The following AP3M2 variants were observed in gnomAD, a reference collection of about 807,000 sequenced individuals.
AP3M2 encodes the protein AP-3 complex subunit mu-2.
In AP3M2, 28 loss-of-function variants were observed where a neutral mutation model predicts 41.6. The ratio of observed to expected loss-of-function variants is 0.67; its 90% CI spans 0.50 to 0.92. The LOEUF (loss-of-function observed/expected upper bound fraction) is 0.92. AP3M2 is among the 40% of genes least tolerant of loss of function. The probability of loss-of-function intolerance (pLI) is 0.00; values close to 1 mark genes in which losing one functional copy is unlikely to be tolerated. For synonymous variants in AP3M2, 193 were observed against 186.4 expected (o/e 1.04, Z -0.29); for missense variants, 427 against 521.4 (o/e 0.82, Z 1.76).
intron 8 of AP3M2, chr8:42,168,126 C>A (rs1804690879): frequency 1.9e-6 from 1 of 521,382 alleles, no homozygotes; most frequent in African/African-American, 1.9e-5. Flanking sequence ...CCAAGGTTTT[C>A]AGTATGAGAA....
rs946381944 is a variant in AP3M2 at position 42,162,065 on chromosome 8, C to T, written c.446-216C>T. 136 of 400,804 alleles carry T rather than the reference C, an allele frequency of 3.4e-4. 3 individuals carry two copies. Among genetic ancestry groups the T allele is most frequent in the Non-Finnish European group, 7.0e-5 (16 of 229,628 alleles). 24.8% of individuals were successfully genotyped at this position (400,804 alleles called of 1,614,324 possible). A position where few individuals can be genotyped will look rare whatever the true frequency, so the allele number is the denominator to read the frequency against. ...TTTCTCAGGTAACTTTTTCTTAAAC[C>T]TTTATTCTGTTTGAAAAGGCAGACC... On this transcript the variant is annotated intron_variant, in intron 3 of 8. Transcript: ENST00000396926.
Position 42,167,806 on chromosome 8 carries a change from T to C in AP3M2, c.1152T>C (p.Ile384=), listed in dbSNP as rs753727314. 1 of 1,611,554 alleles carries C rather than the reference T, an allele frequency of 6.2e-7. No individual in the cohort carries two copies. Among genetic ancestry groups the C allele is most frequent in the Non-Finnish European group, 8.5e-7 (1 of 1,179,350 alleles). Residue 384 remains isoleucine (I), a synonymous_variant, in exon 8 of 9, where the codon ATT becomes ATC. Transcript: ENST00000396926. ...NLQFKIQQLA[I]SGLKVNRLDM... ...AGTTTAAGATCCAGCAGCTGGCCAT[T>C]TCTGGTAAGTGACCCAGAGCTCAAG...
Position 42,165,077 on chromosome 8 carries a change from CA to C in AP3M2, c.592del (p.Ile198LeufsTer8), listed in dbSNP as rs747546329. ...IDAIIDKSGSTITAEIQGVID... is the reference protein window; with the variant it reads ...IDAIIDKSGSXITAEIQGVID... ...TGTCTTATTCCTGTCTCAGGCTCCACAATTACTGCTGAGATCCAGGGGGTGA... is the reference window on the plus strand; with the variant it reads ...TGTCTTATTCCTGTCTCAGGCTCCACATTACTGCTGAGATCCAGGGGGTGA... On this transcript the variant is annotated frameshift_variant, in exon 5 of 9. Coordinates refer to ENST00000396926, the MANE Select transcript of AP3M2 (RefSeq NM_006803.4). LOFTEE classifies it high-confidence loss of function. 7 of 1,613,580 alleles carry C rather than the reference CA, an allele frequency of 4.3e-6. No individual in the cohort carries two copies. Among genetic ancestry groups the C allele is most frequent in the Non-Finnish European group, 4.2e-6 (5 of 1,179,782 alleles).
At chr8:42,158,171 C>A (rs563448827) in intron 3 of AP3M2, 59 bp downstream of exon 3, 35 of 1,540,168 alleles carry the variant, frequency 2.3e-5, no homozygotes, top group Middle Eastern at 3.4e-4. Context: ...GTGGCTTAGT[C>A]GAGTGTCGCA....
rs542657559 is a variant in AP3M2, at chr8:42,156,517, T to C, written c.274-1424T>C. ...CGAGGCTCCTTTCCAGCTGCTTAGT[T>C]CACATGATGCCTGGTTTATAAAACC... On this transcript the variant is annotated intron_variant, in intron 2 of 8. Transcript: ENST00000396926. 2.0e-5 allele frequency among the ~76,000 whole-genome samples: 3 copies of C among 152,346 alleles called. No individual in the cohort carries two copies. The South Asian group carries it at 6.2e-4, about 32-fold the overall frequency.
intron 3 of AP3M2, among the ~76,000 whole-genome samples, chr8:42,159,641 TCTTACAGTCTATCA>T (rs1459836461): frequency 6.6e-6 from 1 of 152,216 alleles, no homozygotes; most frequent in African/African-American, 2.4e-5. Flanking sequence ...ACAGATATTT[TCTTACAGTCTATCA>T]CTTGTGATTT....
chr8:42,167,853 C>T (rs1011644432), intron 8 of AP3M2, 43 bp downstream of exon 8: 17 of 1,571,850 alleles, frequency 1.1e-5, no homozygotes, highest in Non-Finnish European at 1.4e-5. Flanking sequence ...GGAACAAAAA[C>T]GGCTTTCTGC....
chr8:42,155,447 T>C (rs1339871985), intron 2 of AP3M2, among the ~76,000 whole-genome samples: 1 of 152,196 alleles, frequency 6.6e-6, no homozygotes, highest in Non-Finnish European at 1.5e-5. Flanking sequence ...TTCTTTATAG[T>C]GAGAGAGTGG....
At chr8:42,160,710 T>G (rs934766630) in intron 3 of AP3M2, among the ~76,000 whole-genome samples, 1 of 152,250 alleles carries the variant, frequency 6.6e-6, no homozygotes, top group African/African-American at 2.4e-5. Context: ...TTGTGTAATT[T>G]ATCCTTTTCC....
Position 42,154,811 on chromosome 8 carries a change from G to T in AP3M2, c.124G>T (p.Ala42Ser). Residue 42 changes from alanine (A) to serine (S), a missense_variant, in exon 2 of 9, where the codon GCA becomes TCA. Ala to Ser is a moderately conservative substitution (Grantham distance 99). Coordinates refer to ENST00000396926, the MANE Select transcript of AP3M2 (RefSeq NM_006803.4). ...TGAGGCGCAAGAGAGAGCTACTGAG[G>T]CAGAAAATGTGCCTCCGGTTATCCC... ...FFEAQERATE[A>S]ENVPPVIPTP... is the part of the protein sequence containing the mutation. 6.2e-7 allele frequency: 1 copy of T among 1,614,098 alleles called. No individual in the cohort carries two copies. The highest frequency in any genetic ancestry group is 8.5e-7 in the Non-Finnish European group (1 of 1,180,026).
chr8:42,159,215 C>G (rs770719208), intron 3 of AP3M2, among the ~76,000 whole-genome samples: 1 of 152,200 alleles, frequency 6.6e-6, no homozygotes, highest in Non-Finnish European at 1.5e-5. Flanking sequence ...ACCATTCTTA[C>G]ACTTGAACCT....
At position 42,154,868 on chromosome 8, in the gene AP3M2, C is replaced by T. The variant is rs778987030; in HGVS notation, c.181C>T (p.Arg61Cys). ...TCACCACTATCTCTTAAGTGTTTAC[C>T]GCCACAAGATCTTTTTTGTGGCCGT... is the stretch of plus-strand genomic sequence containing the variant. Reference protein sequence around the residue: ...TPHHYLLSVYRHKIFFVAVIQ... With the variant: ...TPHHYLLSVYCHKIFFVAVIQ... The change falls in exon 2 of 9, where the codon CGC becomes TGC. Residue 61 changes from arginine to cysteine, a missense_variant. Around this residue, in one of 3 missense-constraint regions of AP3M2, gnomAD observed 104 missense variants for 93.8 expected, o/e 1.11. Transcript: ENST00000396926. 35 of 1,613,968 alleles carry T rather than the reference C, an allele frequency of 2.2e-5. No individual in the cohort carries two copies. The highest frequency in any genetic ancestry group is 1.8e-4 in the South Asian group (16 of 91,076).
At chr8:42,163,120 G>T (rs1804553567) in intron 4 of AP3M2, among the ~76,000 whole-genome samples, 1 of 152,020 alleles carries the variant, frequency 6.6e-6, no homozygotes, top group Admixed American at 6.6e-5. Context: ...TAGAAGTCCT[G>T]GAGCTTCAGA....
At chr8:42,154,380 G>T (rs1179728669) in intron 1 of AP3M2, 3 of 267,270 alleles carry the variant, frequency 1.1e-5, no homozygotes, top group Non-Finnish European at 2.1e-5. Flanking sequence ...CCACAGATAA[G>T]TAGTATTTTA....
Position 42,154,877 on chromosome 8 carries a change from A to T in AP3M2, c.190A>T (p.Ile64Phe). 6.2e-7 allele frequency: 1 copy of T among 1,614,088 alleles called. No homozygotes were observed. ...TCTCTTAAGTGTTTACCGCCACAAG[A>T]TCTTTTTTGTGGCCGTGATCCAGAC... is the stretch of plus-strand genomic sequence containing the variant. ...HYLLSVYRHK[I>F]FFVAVIQTEV... The change falls in exon 2 of 9, where the codon ATC becomes TTC. Residue 64 changes from isoleucine (I) to phenylalanine (F), a missense_variant. Physicochemically the swap from Ile to Phe is conservative, Grantham distance 21. Transcript: ENST00000396926.
Position 42,162,306 on chromosome 8 carries a change from T to G in AP3M2, c.471T>G (p.Leu157=). ...GAAGCACGAATGTGGGTGACCAGCTTCCCACTGGGCAGCTGTCAGTGGTGC... is the reference window on the plus strand; with the variant it reads ...GAAGCACGAATGTGGGTGACCAGCTGCCCACTGGGCAGCTGTCAGTGGTGC... The part of the protein sequence containing the change: ...ITGSTNVGDQ[L]PTGQLSVVPW... The change falls in exon 4 of 9, where the codon CTT becomes CTG. Residue 157 remains leucine (L), a synonymous_variant. Coordinates refer to ENST00000396926, the MANE Select transcript of AP3M2 (RefSeq NM_006803.4). 6.2e-7 allele frequency: 1 copy of G among 1,613,094 alleles called. No homozygotes were observed. The highest frequency in any genetic ancestry group is 8.5e-7 in the Non-Finnish European group (1 of 1,179,534).
Position 42,168,783 on chromosome 8 carries a change from C to G in AP3M2, c.1157-178C>G, listed in dbSNP as rs530492817. 2.4e-4 allele frequency among the ~76,000 whole-genome samples: 36 copies of G among 152,206 alleles called. No individual in the cohort carries two copies. In the South Asian group the frequency reaches 7.3e-3, roughly 31 times the overall value. The stretch of plus-strand genomic sequence containing the variant: ...TCATAGGTAGCTTGTCTGTTGGAGC[C>G]TTTTTTTGCTGTCAGTATCTGTCCC... On this transcript the variant is annotated intron_variant, in intron 8 of 8. Transcript: ENST00000396926.
rs1804518556 is a variant in AP3M2, at chr8:42,162,029, TATG to T, written c.446-249_446-247del. The stretch of plus-strand genomic sequence containing the variant: ...GTTCAGGTTACTTTCAAAACCAAAA[TATG>T]ATATCTGTTTCTCAGGTAACTTTTT... On this transcript the variant is annotated intron_variant, in intron 3 of 8. Coordinates refer to ENST00000396926, the MANE Select transcript of AP3M2 (RefSeq NM_006803.4). 5 of 308,326 alleles carry T rather than the reference TATG, an allele frequency of 1.6e-5. No homozygotes were observed. The South Asian group carries it at 4.9e-4, about 30-fold the overall frequency. The allele number at this position is 308,326 out of a possible 1,614,324, so 19.1% of individuals were successfully genotyped here. A position where few individuals can be genotyped will look rare whatever the true frequency, so the allele number is the denominator to read the frequency against.
At chr8:42,160,704 G>A (rs923738936) in intron 3 of AP3M2, among the ~76,000 whole-genome samples, 5 of 152,144 alleles carry the variant, frequency 3.3e-5, no homozygotes, top group African/African-American at 1.2e-4. Flanking sequence ...GCACCATTGT[G>A]TAATTTATCC....
Sources: allele counts gnomAD v4.1 joint callset (sites outside exome capture counted in the v4.1 genomes callset), GRCh38; gene constraint gnomAD v4.1.1; regional missense constraint gnomAD v4.1.1; transcripts MANE v1.5; gene names NCBI Gene and HGNC (gene_info 2026-07-23, HGNC 2026-07-21).